The following SLC22A23 variants were observed in gnomAD, a reference collection of about 807,000 sequenced individuals.
SLC22A23 encodes the protein solute carrier family 22 member 23.
SLC22A23 carries 26 observed loss-of-function variants against 61.0 expected under a neutral mutation model. The ratio of observed to expected loss-of-function variants is 0.43; its 90% CI spans 0.31 to 0.59. SLC22A23 has a LOEUF of 0.59. Ranked by LOEUF, SLC22A23 falls within the 20% of genes least tolerant of loss-of-function variation. The pLI, the probability that SLC22A23 is intolerant of heterozygous loss-of-function variation, is 0.11. For missense variants in SLC22A23, 796 were observed against 934.7 expected (o/e 0.85, Z 1.94); for synonymous variants, 430 against 413.9 (o/e 1.04, Z -0.47).
chr6:3,301,625 G>A (rs1271138735), intron 4 of SLC22A23, among the ~76,000 whole-genome samples: 1 of 152,184 alleles, frequency 6.6e-6, no homozygotes, highest in African/African-American at 2.4e-5. Context: ...CCCAGCAGAG[G>A]AGGAGCTGCA....
intron 3 of SLC22A23, among the ~76,000 whole-genome samples, chr6:3,361,147 C>T (rs1171624617): frequency 6.6e-6 from 1 of 150,902 alleles, no homozygotes; most frequent in Non-Finnish European, 1.5e-5. Flanking sequence ...GTTTCTCCCC[C>T]AAAGGAGCCT....
chr6:3,447,464 C>T (rs1396518064), intron 1 of SLC22A23, among the ~76,000 whole-genome samples: 3 of 152,160 alleles, frequency 2.0e-5, no homozygotes, highest in Non-Finnish European at 2.9e-5. Context: ...AGTCTCTAAG[C>T]TCTATGGAAG....
chr6:3,347,603 T>G (rs1029950726), intron 3 of SLC22A23, among the ~76,000 whole-genome samples: 7 of 152,020 alleles, frequency 4.6e-5, no homozygotes, highest in Admixed American at 1.3e-4. Flanking sequence ...AGCCTCCCTC[T>G]CTCATTCATC....
intron 1 of SLC22A23, among the ~76,000 whole-genome samples, chr6:3,428,554 C>A (rs1229159243): frequency 2.6e-5 from 4 of 152,236 alleles, no homozygotes; most frequent in Non-Finnish European, 5.9e-5. Context: ...CCATTCACTA[C>A]TGATGCAGCA....
rs977022546 is a variant in SLC22A23, at chr6:3,328,084, ACAAC to A, written c.914-4086_914-4083del. Among the ~76,000 whole-genome samples the A allele has an allele frequency of 3.3e-5, 5 of 152,006 alleles. No individual in the cohort carries two copies. The highest frequency in any genetic ancestry group is 1.2e-4 in the African/African-American group (5 of 41,428). On this transcript the variant is annotated intron_variant, in intron 3 of 9. Coordinates refer to ENST00000406686, the MANE Select transcript of SLC22A23 (RefSeq NM_015482.2). The surrounding 1 kb of genome is among the most constrained non-coding windows in gnomAD (Gnocchi z 5.0). ...CATGGTGAGATCCTGTCTCTAAAAA[ACAAC>A]CAACCAAACAAACAACCGTTACTTT...
At position 3,286,888 on chromosome 6, in the gene SLC22A23, G is replaced by A. The variant is rs756727462; in HGVS notation, c.1517C>T (p.Ala506Val). The stretch of plus-strand genomic sequence containing the variant: ...GAGGAGGCCGAGCTGCAGGAGTGAG[G>A]CCAGGGCGGTGAGGATCATGAAGAG... Reference protein sequence around the residue: ...LLLFMILTALASLLQLGLLNL... With the variant: ...LLLFMILTALVSLLQLGLLNL... The change falls in exon 7 of 10, where the codon GCC becomes GTC. Residue 506 changes from alanine to valine, a missense_variant. By Grantham distance (64) the Ala-to-Val change is moderately conservative. Coordinates refer to ENST00000406686, the MANE Select transcript of SLC22A23 (RefSeq NM_015482.2). This position sits in a 1 kb window ranked among gnomAD's most constrained non-coding sequence, Gnocchi z 4.2. 6.2e-7 allele frequency: 1 copy of A among 1,606,104 alleles called. No homozygotes were observed. The highest frequency in any genetic ancestry group is 1.1e-5 in the South Asian group (1 of 90,294).
chr6:3,392,004 T>G (rs1443719877), intron 3 of SLC22A23, among the ~76,000 whole-genome samples: 1 of 151,864 alleles, frequency 6.6e-6, no homozygotes, highest in African/African-American at 2.4e-5. Flanking sequence ...TGGACTGCAG[T>G]AGCATTTGGA....
At chr6:3,349,048 A>G (rs1354616668) in intron 3 of SLC22A23, among the ~76,000 whole-genome samples, 2 of 152,248 alleles carry the variant, frequency 1.3e-5, no homozygotes, top group African/African-American at 4.8e-5. Flanking sequence ...GCCTCCCCTG[A>G]GCAGGATGAC....
intron 2 of SLC22A23, among the ~76,000 whole-genome samples, chr6:3,411,203 T>TAGAAATAAAATGGCAACAA (rs1197980338): frequency 1.3e-5 from 2 of 152,126 alleles, no homozygotes; most frequent in East Asian, 3.9e-4. Context: ...ATTAACCGAT[T>TAGAAATAAAATGGCAACAA]AGAAATAAAA....
intron 2 of SLC22A23, among the ~76,000 whole-genome samples, chr6:3,412,725 G>A (rs1769356052): frequency 6.6e-6 from 1 of 152,210 alleles, no homozygotes; most frequent in Non-Finnish European, 1.5e-5. Flanking sequence ...CCTGAGATGA[G>A]GTGACTTTCC....
At chr6:3,326,985 G>A (rs1211210598) in intron 3 of SLC22A23, among the ~76,000 whole-genome samples, 1 of 140,622 alleles carries the variant, frequency 7.1e-6, no homozygotes, top group Non-Finnish European at 1.5e-5. Flanking sequence ...GACGGGGACT[G>A]CAGGTGGATC....
intron 3 of SLC22A23, among the ~76,000 whole-genome samples, chr6:3,399,852 G>T (rs1768261696): frequency 6.6e-6 from 1 of 151,366 alleles, no homozygotes; most frequent in Non-Finnish European, 1.5e-5. Flanking sequence ...CCCTGAAGTG[G>T]TTAAGACTTT....
chr6:3,362,213 GGGCAACATGGTGAAACCCCGTCTC>G, intron 3 of SLC22A23, among the ~76,000 whole-genome samples: 1 of 151,548 alleles, frequency 6.6e-6, no homozygotes, highest in Admixed American at 6.6e-5. Context: ...AGACCAGCCT[GGGCAACATGGTGAAACCCCGTCTC>G]TACTAAAATA....
At chr6:3,384,035 G>C (rs1005374684) in intron 3 of SLC22A23, among the ~76,000 whole-genome samples, 1 of 152,224 alleles carries the variant, frequency 6.6e-6, no homozygotes, top group African/African-American at 2.4e-5. Flanking sequence ...CCGCAGTAAT[G>C]ATGTACACCC....
At chr6:3,394,281 A>T (rs147958089) in intron 3 of SLC22A23, among the ~76,000 whole-genome samples, 2 of 152,264 alleles carry the variant, frequency 1.3e-5, no homozygotes, top group Non-Finnish European at 2.9e-5. Context: ...GAGTCATCAG[A>T]TACTCCCCCA....
intron 7 of SLC22A23, among the ~76,000 whole-genome samples, chr6:3,285,329 C>G (rs1284412341): frequency 2.0e-5 from 3 of 152,230 alleles, no homozygotes; most frequent in Non-Finnish European, 4.4e-5. Context: ...GGAGTGAGAC[C>G]CTGCTGGCCT....
At chr6:3,405,466 G>A (rs1020211546) in intron 3 of SLC22A23, among the ~76,000 whole-genome samples, 4 of 152,062 alleles carry the variant, frequency 2.6e-5, no homozygotes, top group Non-Finnish European at 5.9e-5. Flanking sequence ...GTATTCATGC[G>A]AAACTTTCCC....
At chr6:3,301,225 C>A (rs924954460) in intron 4 of SLC22A23, among the ~76,000 whole-genome samples, 1 of 152,014 alleles carries the variant, frequency 6.6e-6, no homozygotes, top group African/African-American at 2.4e-5. Flanking sequence ...CTTTCTGATG[C>A]GTTTGGGTTT....
At chr6:3,354,264 G>A (rs1764943716) in intron 3 of SLC22A23, among the ~76,000 whole-genome samples, 1 of 152,212 alleles carries the variant, frequency 6.6e-6, no homozygotes, top group Admixed American at 6.5e-5. Flanking sequence ...ACTCCTTTCA[G>A]GACCCTTCAA....
Sources: gnomAD v4.1 joint callset for allele counts (sites outside exome capture counted in the v4.1 genomes callset) on GRCh38, gnomAD v4.1.1 for gene constraint, Gnocchi (gnomAD v3.1) non-coding constraint, MANE v1.5 for transcripts, NCBI Gene and HGNC (gene_info 2026-07-23, HGNC 2026-07-21) for gene names.